MALRD1: variants seen among roughly 807,000 people sequenced by gnomAD.
The protein encoded by MALRD1 is MAM and LDL receptor class A domain containing 1, also known as MAM and LDL-receptor class A domain-containing protein 1.
A neutral mutation model predicts 242.1 loss-of-function variants in MALRD1; 247 were observed. The observed-to-expected ratio is 1.02, with a 90% CI of 0.92 to 1.13. The LOEUF (loss-of-function observed/expected upper bound fraction) is 1.13, where lower values mean the gene tolerates loss of function less well. MALRD1 is among the 50% of genes most tolerant of loss of function. The probability of loss-of-function intolerance (pLI) is 0.00; values close to 1 mark genes in which losing one functional copy is unlikely to be tolerated. For missense variants in MALRD1, 2,989 were observed against 2,533.1 expected (o/e 1.18, Z -3.86); for synonymous variants, 995 against 866.6 (o/e 1.15, Z -2.60).
At chr10:19,374,199 T>C (rs964725865) in intron 26 of MALRD1, among the ~76,000 whole-genome samples, 2 of 152,206 alleles carry the variant, frequency 1.3e-5, no homozygotes, top group African/African-American at 4.8e-5. Flanking sequence ...TTAGACTGCA[T>C]GCATAGTACA....
intron 32 of MALRD1, 126 bp from the exon 33 acceptor site, chr10:19,567,375 GA>G: frequency 3.6e-6 from 3 of 822,854 alleles, no homozygotes; most frequent in Non-Finnish European, 5.6e-6. Flanking sequence ...TCTACAGATA[GA>G]AAATACAATA....
intron 36 of MALRD1, among the ~76,000 whole-genome samples, chr10:19,681,202 G>C (rs1167994015): frequency 6.6e-6 from 1 of 152,130 alleles, no homozygotes; most frequent in Admixed American, 6.6e-5. Flanking sequence ...ATGTTGGTCT[G>C]TCTTGCTAGG....
At chr10:19,190,469 GA>G (rs1835922303) in intron 14 of MALRD1, among the ~76,000 whole-genome samples, 2 of 151,886 alleles carry the variant, frequency 1.3e-5, no homozygotes, top group Admixed American at 1.3e-4. Flanking sequence ...GAATCTCAAA[GA>G]ACCCCAAATA....
chr10:19,206,092 A>G (rs10827056), intron 17 of MALRD1, among the ~76,000 whole-genome samples: 110,677 of 150,136 alleles, frequency 0.74, 41,048 homozygotes, highest in South Asian at 0.83. Flanking sequence ...AAATTATGCA[A>G]TTTATTAAAT....
intron 24 of MALRD1, among the ~76,000 whole-genome samples, chr10:19,334,989 G>A (rs145859803): frequency 7.9e-5 from 12 of 152,060 alleles, no homozygotes; most frequent in East Asian, 3.9e-4. Context: ...AAAGTTGTGC[G>A]TATTTCTAGG....
rs372681426 is a variant in MALRD1 at position 19,115,225 on chromosome 10, C to G, written c.695-8267C>G. Among the ~76,000 whole-genome samples the G allele has an allele frequency of 7.2e-5, 11 of 152,194 alleles. No homozygotes were observed. In the East Asian group the frequency reaches 1.7e-3, roughly 24 times the overall value. On this transcript the variant is annotated intron_variant, in intron 5 of 39. Transcript: ENST00000454679. The stretch of plus-strand genomic sequence containing the variant: ...TAGAAACCAGAAGAAAGTTTCTTAC[C>G]CACAATTCACTCCTCTTCCTCTGCC...
At chr10:19,398,602 T>C (rs1846691472) in intron 28 of MALRD1, among the ~76,000 whole-genome samples, 2 of 152,264 alleles carry the variant, frequency 1.3e-5, no homozygotes, top group Non-Finnish European at 2.9e-5. Flanking sequence ...ACCAGAACTT[T>C]AGTTGAAGTT....
At chr10:19,248,334 A>T (rs899225334) in intron 18 of MALRD1, among the ~76,000 whole-genome samples, 1 of 151,838 alleles carries the variant, frequency 6.6e-6, no homozygotes, top group Non-Finnish European at 1.5e-5. Flanking sequence ...TTATTACAGA[A>T]CTTGTTCCTC....
chr10:19,360,861 A>G (rs1844862357), intron 26 of MALRD1, among the ~76,000 whole-genome samples: 1 of 152,130 alleles, frequency 6.6e-6, no homozygotes, highest in Non-Finnish European at 1.5e-5. Context: ...ATATTTGTTC[A>G]TAGTAGCATA....
chr10:19,065,687 G>A (rs1471008623), intron 1 of MALRD1, among the ~76,000 whole-genome samples: 2 of 152,114 alleles, frequency 1.3e-5, no homozygotes, highest in South Asian at 2.1e-4. Context: ...ACATTACATG[G>A]GTAGGTATTG....
At chr10:19,522,469 G>T (rs1312287222) in intron 31 of MALRD1, among the ~76,000 whole-genome samples, 2 of 152,052 alleles carry the variant, frequency 1.3e-5, no homozygotes, top group African/African-American at 4.8e-5. Context: ...TGGTATCCTT[G>T]TCTTTGTCTT....
chr10:19,203,983 C>A, intron 15 of MALRD1, 103 bp downstream of exon 15: 1 of 1,340,214 alleles, frequency 7.5e-7, no homozygotes, highest in Non-Finnish European at 1.0e-6. Flanking sequence ...CTACAACAAA[C>A]AGTCAGATAG....
intron 31 of MALRD1, among the ~76,000 whole-genome samples, chr10:19,515,194 T>C (rs1039386238): frequency 6.6e-6 from 1 of 152,170 alleles, no homozygotes; most frequent in Non-Finnish European, 1.5e-5. Flanking sequence ...TTTAGAATGG[T>C]TTTTCTAATT....
At chr10:19,724,745 A>G (rs988105433) in intron 38 of MALRD1, among the ~76,000 whole-genome samples, 1 of 152,230 alleles carries the variant, frequency 6.6e-6, no homozygotes, top group Admixed American at 6.5e-5. Context: ...ATGGGAAAAA[A>G]GGAAGTAAAA....
chr10:19,342,878 T>C (rs1843946357), intron 24 of MALRD1, among the ~76,000 whole-genome samples: 1 of 152,030 alleles, frequency 6.6e-6, no homozygotes, highest in African/African-American at 2.4e-5. Context: ...TAGGATAATA[T>C]TTTCCAGATT....
At chr10:19,610,035 T>C (rs572063238) in intron 35 of MALRD1, among the ~76,000 whole-genome samples, 2 of 152,068 alleles carry the variant, frequency 1.3e-5, no homozygotes, top group African/African-American at 2.4e-5. Flanking sequence ...CAAACACTTC[T>C]CAGGCAAGTA....
chr10:19,579,025 T>C (rs188303341), intron 33 of MALRD1, among the ~76,000 whole-genome samples: 28 of 152,286 alleles, frequency 1.8e-4, no homozygotes, highest in Non-Finnish European at 3.2e-4. Context: ...CTTTCTTTTA[T>C]AAAATAATGA....
At chr10:19,164,848 G>A (rs916739667) in intron 12 of MALRD1, among the ~76,000 whole-genome samples, 1 of 151,950 alleles carries the variant, frequency 6.6e-6, no homozygotes, top group Non-Finnish European at 1.5e-5. Context: ...ATTATTGATG[G>A]TGAATAGGAA....
At chr10:19,163,927 G>A (rs1834559001) in intron 12 of MALRD1, among the ~76,000 whole-genome samples, 1 of 152,184 alleles carries the variant, frequency 6.6e-6, no homozygotes, top group Non-Finnish European at 1.5e-5. Flanking sequence ...CTGAGTGACA[G>A]TTTGACAGCT....
Sources: allele counts gnomAD v4.1 joint callset (sites outside exome capture counted in the v4.1 genomes callset), GRCh38; gene constraint gnomAD v4.1.1; transcripts MANE v1.5; gene names NCBI Gene and HGNC (gene_info 2026-07-23, HGNC 2026-07-21).